Variants in GSK3B observed in about 807,000 individuals in gnomAD.
GSK3B encodes the protein glycogen synthase kinase 3 beta, also known as glycogen synthase kinase-3 beta.
Under a neutral mutation model 56.4 loss-of-function variants are expected in GSK3B, and 15 were observed. That is an observed-to-expected ratio of 0.27 (90% CI 0.18 to 0.41). The LOEUF is 0.41. Ranked by LOEUF, GSK3B falls within the 10% of genes least tolerant of loss-of-function variation. GSK3B has a pLI of 1.00. For synonymous variants in GSK3B, 181 were observed against 188.9 expected (o/e 0.96, Z 0.34); for missense variants, 300 against 513.4 (o/e 0.58, Z 4.02).
chr3:119,994,125 G>A (rs1044181278), intron 2 of GSK3B, among the ~76,000 whole-genome samples: 2 of 152,172 alleles, frequency 1.3e-5, no homozygotes, highest in African/African-American at 2.4e-5. Flanking sequence ...GCCGCCCTAA[G>A]TGCTGGGATT....
chr3:119,916,000 AG>A (rs1158642722), intron 5 of GSK3B, 43 bp downstream of exon 5: 2 of 1,355,670 alleles, frequency 1.5e-6, no homozygotes, highest in Non-Finnish European at 2.1e-6. Flanking sequence ...TAGTAGGGGG[AG>A]GAGGGGAAAA....
intron 10 of GSK3B, among the ~76,000 whole-genome samples, chr3:119,836,534 A>G (rs1251256789): frequency 1.3e-5 from 2 of 152,194 alleles, no homozygotes; most frequent in African/African-American, 4.8e-5. Context: ...CAGCTTACAG[A>G]TATTTAGGCA....
At chr3:119,931,715 C>T (rs1435847651) in intron 3 of GSK3B, among the ~76,000 whole-genome samples, 1 of 152,268 alleles carries the variant, frequency 6.6e-6, no homozygotes, top group East Asian at 1.9e-4. Flanking sequence ...GCTGAAAACG[C>T]TGAGTCTGCT....
intron 1 of GSK3B, among the ~76,000 whole-genome samples, chr3:120,092,540 A>C (rs1384295641): frequency 6.6e-6 from 1 of 152,240 alleles, no homozygotes; most frequent in Non-Finnish European, 1.5e-5. Context: ...AGTATTTGGC[A>C]CTATGACAAA....
intron 5 of GSK3B, 45 bp from the exon 6 acceptor site, chr3:119,912,855 C>T (rs779316645): frequency 2.1e-6 from 2 of 965,312 alleles, no homozygotes; most frequent in Non-Finnish European, 3.2e-6. Flanking sequence ...TTCTTTAAAT[C>T]TAAACCTTAA....
intron 10 of GSK3B, among the ~76,000 whole-genome samples, chr3:119,839,031 T>C (rs1559802838): frequency 1.3e-5 from 2 of 152,216 alleles, no homozygotes; most frequent in African/African-American, 4.8e-5. Context: ...ATCTTTACCA[T>C]TTTCAAAGGT....
intron 1 of GSK3B, among the ~76,000 whole-genome samples, chr3:120,025,876 G>C (rs1225918406): frequency 6.6e-6 from 1 of 152,176 alleles, no homozygotes; most frequent in Admixed American, 6.5e-5. Context: ...TTATGACCTT[G>C]AGGAAGTCAA....
intron 10 of GSK3B, among the ~76,000 whole-genome samples, chr3:119,832,553 A>G (rs2055619945): frequency 6.6e-6 from 1 of 152,128 alleles, no homozygotes; most frequent in Non-Finnish European, 1.5e-5. Flanking sequence ...TCACAAGCCA[A>G]TGAGGGAATC....
At chr3:120,021,548 G>A (rs1323898513) in intron 1 of GSK3B, among the ~76,000 whole-genome samples, 3 of 150,602 alleles carry the variant, frequency 2.0e-5, no homozygotes, top group East Asian at 3.9e-4. Flanking sequence ...ATGATTCATA[G>A]GAACAGGAAC....
At chr3:120,002,594 C>T (rs2057689712) in intron 1 of GSK3B, among the ~76,000 whole-genome samples, 1 of 152,126 alleles carries the variant, frequency 6.6e-6, no homozygotes, top group Non-Finnish European at 1.5e-5. Flanking sequence ...CCTCCTTGGC[C>T]TCCAAAGTGC....
chr3:119,967,722 T>C (rs2057330249), intron 2 of GSK3B, among the ~76,000 whole-genome samples: 1 of 152,072 alleles, frequency 6.6e-6, no homozygotes, highest in African/African-American at 2.4e-5. Flanking sequence ...CCACTTCTTT[T>C]CTTTTCCTTT....
intron 1 of GSK3B, among the ~76,000 whole-genome samples, chr3:120,056,941 A>C (rs1266899706): frequency 6.6e-6 from 1 of 152,126 alleles, no homozygotes; most frequent in African/African-American, 2.4e-5. Context: ...CCAGTAGCTC[A>C]AGACCAGCCT....
intron 2 of GSK3B, among the ~76,000 whole-genome samples, chr3:119,955,218 TA>T (rs1436426260): frequency 2.8e-5 from 4 of 144,056 alleles, no homozygotes; most frequent in Non-Finnish European, 6.0e-5. Context: ...TCAGTTGCCC[TA>T]AAAGAACCAA....
chr3:119,833,018 T>C, intron 10 of GSK3B: 2 of 967,574 alleles, frequency 2.1e-6, no homozygotes, highest in Non-Finnish European at 2.5e-6. Flanking sequence ...AATGGAGTCA[T>C]GGATTAATGG....
chr3:119,940,110 T>C (rs62264735), intron 3 of GSK3B, among the ~76,000 whole-genome samples: 1 of 148,944 alleles, frequency 6.7e-6, no homozygotes, highest in Admixed American at 6.7e-5. Context: ...GTGTGTGTGT[T>C]TGTGTGTGTG....
chr3:119,967,852 C>CTT (rs1438288265), intron 2 of GSK3B, among the ~76,000 whole-genome samples: 8 of 136,564 alleles, frequency 5.9e-5, no homozygotes, highest in Non-Finnish European at 1.3e-4. Context: ...CTCTCTCTCT[C>CTT]TCTCTCTCTC....
intron 8 of GSK3B, among the ~76,000 whole-genome samples, chr3:119,872,265 A>G (rs1292610093): frequency 2.6e-5 from 4 of 152,136 alleles, no homozygotes; most frequent in Non-Finnish European, 5.9e-5. Context: ...GAATAGGACA[A>G]ATACTAAATA....
At chr3:119,942,457 C>T (rs1436798025) in intron 3 of GSK3B, among the ~76,000 whole-genome samples, 1 of 152,108 alleles carries the variant, frequency 6.6e-6, no homozygotes, top group Non-Finnish European at 1.5e-5. Flanking sequence ...CACCACCACA[C>T]CCAGATAATT....
rs1423247384 is a variant in GSK3B at position 119,930,121 on chromosome 3, ACACGTGCGCATG to A, written c.367-6650_367-6639del. 3.6e-5 allele frequency among the ~76,000 whole-genome samples: 5 copies of A among 137,622 alleles called. No individual in the cohort carries two copies. The East Asian group carries it at 6.0e-4, about 17-fold the overall frequency. The allele number at this position is 137,622 out of a possible 152,430, so 90.3% of individuals were successfully genotyped here. A position where few individuals can be genotyped will look rare whatever the true frequency, so the allele number is the denominator to read the frequency against. On this transcript the variant is annotated intron_variant, in intron 3 of 10. Coordinates refer to ENST00000264235, the MANE Select transcript of GSK3B (RefSeq NM_001146156.2). ...CACACACACACACACACACACACAC[ACACGTGCGCATG>A]CACACACACATTTATTTAATTTTAT... is the stretch of plus-strand genomic sequence containing the variant.
Sources: allele counts gnomAD v4.1 joint callset (sites outside exome capture counted in the v4.1 genomes callset), GRCh38; gene constraint gnomAD v4.1.1; transcripts MANE v1.5; gene names NCBI Gene and HGNC (gene_info 2026-07-23, HGNC 2026-07-21).